Variants in PAPPA observed in about 807,000 individuals in gnomAD.
PAPPA encodes the protein pappalysin-1.
Under a neutral mutation model 164.0 loss-of-function variants are expected in PAPPA, and 60 were observed. The ratio of observed to expected loss-of-function variants is 0.37; its 90% CI spans 0.30 to 0.45. The LOEUF (loss-of-function observed/expected upper bound fraction) is 0.45. Among genes scored for constraint, PAPPA ranks in the 20% least tolerant of loss-of-function variants. The pLI is 1.00. For synonymous variants in PAPPA, 875 were observed against 814.1 expected, an observed-to-expected ratio of 1.07 and a Z score of -1.27; for missense variants, 1,782 against 2,087.3, an observed-to-expected ratio of 0.85 and a Z score of 2.85.
At chr9:116,226,853 G>A (rs568768289) in intron 5 of PAPPA, among the ~76,000 whole-genome samples, 30 of 152,342 alleles carry the variant, frequency 2.0e-4, no homozygotes, top group African/African-American at 6.7e-4. Flanking sequence ...TGGCATGGTA[G>A]AGAAACTGCT....
Position 116,197,018 on chromosome 9 carries a change from A to G in PAPPA, c.1478+8802A>G, listed in dbSNP as rs373248239. On this transcript the variant is annotated intron_variant, in intron 2 of 21. Coordinates refer to ENST00000328252, the MANE Select transcript of PAPPA (RefSeq NM_002581.5). ...GGAGGTTTCTTTCCCATGAGAATCC[A>G]TGGTAGAAAAACACAGTTTGCCAGT... Among the ~76,000 whole-genome samples the G allele has an allele frequency of 4.6e-5, 7 of 152,346 alleles. No individual in the cohort carries two copies. The East Asian group carries it at 1.3e-3, about 29-fold the overall frequency.
chr9:116,215,133 A>G lies in PAPPA; in HGVS notation c.1918+3201A>G, dbSNP rs79220747. On this transcript the variant is annotated intron_variant, in intron 4 of 21. Transcript: ENST00000328252. ...ATGACAGAGAAGATGTTTGAAGGAC[A>G]TGAACAGAAGTGGAATAACATGGTG... 4.7e-3 allele frequency among the ~76,000 whole-genome samples: 722 copies of G among 152,328 alleles called. 5 individuals carry two copies. Among genetic ancestry groups the G allele is most frequent in the African/African-American group, 0.016 (686 of 41,576 alleles).
rs565872024 is a variant in PAPPA at position 116,263,727 on chromosome 9, A to G, written c.2733-2130A>G. Among the ~76,000 whole-genome samples, 5 of 152,316 alleles carry G rather than the reference A, an allele frequency of 3.3e-5. No individual in the cohort carries two copies. In the South Asian group the frequency reaches 8.3e-4, roughly 25 times the overall value. On this transcript the variant is annotated intron_variant, in intron 7 of 21. Transcript: ENST00000328252. ...TTCCTGGCTAATAAGTGAGGCAGCC[A>G]GGACAGAAACACATGTTTTCTTGTC...
Position 116,171,093 on chromosome 9 carries a change from T to C in PAPPA, c.416-16061T>C, listed in dbSNP as rs147189963. Among the ~76,000 whole-genome samples, 5 of 152,334 alleles carry C rather than the reference T, an allele frequency of 3.3e-5. No individual in the cohort carries two copies. In the East Asian group the frequency reaches 9.6e-4, roughly 29 times the overall value. ...GTAATATTTTAGATCAATAACAGTT[T>C]CTACCCTTAGGTTAGCAGGTACTGG... is the stretch of plus-strand genomic sequence containing the variant. On this transcript the variant is annotated intron_variant, in intron 1 of 21. Coordinates refer to ENST00000328252, the MANE Select transcript of PAPPA (RefSeq NM_002581.5).
intron 2 of PAPPA, among the ~76,000 whole-genome samples, chr9:116,200,033 C>T (rs1353697514): frequency 6.6e-6 from 1 of 152,128 alleles, no homozygotes; most frequent in Admixed American, 6.5e-5. Flanking sequence ...TAGGCTCCAC[C>T]CCCAACATTG....
chr9:116,367,142 C>T (rs1034564077), intron 18 of PAPPA, among the ~76,000 whole-genome samples: 4 of 151,996 alleles, frequency 2.6e-5, no homozygotes, highest in African/African-American at 9.7e-5. Flanking sequence ...GGATAGAATT[C>T]GGTTATGGGA....
intron 10 of PAPPA, among the ~76,000 whole-genome samples, chr9:116,327,436 C>A (rs569857036): frequency 6.6e-6 from 1 of 151,956 alleles, no homozygotes; most frequent in Non-Finnish European, 1.5e-5. Flanking sequence ...AGATGATGAG[C>A]GAAGAAGAGC....
At chr9:116,215,529 G>T (rs1345631751) in intron 4 of PAPPA, among the ~76,000 whole-genome samples, 5 of 152,096 alleles carry the variant, frequency 3.3e-5, no homozygotes, top group Non-Finnish European at 7.3e-5. Flanking sequence ...CTTATAAGTG[G>T]GGGCTAAATG....
Position 116,297,260 on chromosome 9 carries a change from T to C in PAPPA, c.2954-5497T>C, listed in dbSNP as rs915479922. On this transcript the variant is annotated intron_variant, in intron 9 of 21. Coordinates refer to ENST00000328252, the MANE Select transcript of PAPPA (RefSeq NM_002581.5). ...GCCAAAATACCTTAAATTATCCCAC[T>C]ATCCTAGAGAATACACATTATCTCA... 2.8e-4 allele frequency among the ~76,000 whole-genome samples: 42 copies of C among 152,234 alleles called. 1 individual carries two copies. The highest frequency in any genetic ancestry group is 9.9e-4 in the African/African-American group (41 of 41,460).
intron 10 of PAPPA, among the ~76,000 whole-genome samples, chr9:116,304,638 T>C (rs2118895080): frequency 6.6e-6 from 1 of 152,306 alleles, no homozygotes; most frequent in Non-Finnish European, 1.5e-5. Flanking sequence ...AGTCTTAGCA[T>C]TTGAAAAGAA....
At chr9:116,213,316 C>CCCTGGGGGCCTCTCCAGTATAAGGTT (rs1844332009) in intron 4 of PAPPA, among the ~76,000 whole-genome samples, 2 of 152,110 alleles carry the variant, frequency 1.3e-5, no homozygotes, top group African/African-American at 4.8e-5. Flanking sequence ...GGCTGATGAC[C>CCCTGGGGGCCTCTCCAGTATAAGGTT]CCTGGGGGCC....
rs77457941 is a variant in PAPPA, at chr9:116,251,594, G to A, written c.2733-14263G>A. ...GACTCCCTGGCCCTGACTTGGCCTC[G>A]ATTTTCACACTCTGCAGCATGCCTG... On this transcript the variant is annotated intron_variant, in intron 7 of 21. Transcript: ENST00000328252. Among the ~76,000 whole-genome samples the A allele has an allele frequency of 2.8e-4, 42 of 152,286 alleles. 1 individual carries two copies. The East Asian group carries it at 7.5e-3, about 27-fold the overall frequency.
chr9:116,354,482 AG>A (rs1287772543), intron 17 of PAPPA, among the ~76,000 whole-genome samples: 1 of 152,214 alleles, frequency 6.6e-6, no homozygotes, highest in East Asian at 1.9e-4. Context: ...CAGGTGTGCA[AG>A]GATCATCAGC....
At position 116,361,238 on chromosome 9, in the gene PAPPA, T is replaced by A. The variant is rs1846422646; in HGVS notation, c.4348-1354T>A. Among the ~76,000 whole-genome samples the A allele has an allele frequency of 2.0e-5, 3 of 152,148 alleles. No homozygotes were observed. The South Asian group carries it at 6.2e-4, about 32-fold the overall frequency. On this transcript the variant is annotated intron_variant, in intron 17 of 21. Coordinates refer to ENST00000328252, the MANE Select transcript of PAPPA (RefSeq NM_002581.5). ...TTTGCATTGGTGGAGCACAGCCAGC[T>A]CCTCTGGCCTCATGTCAAGTTTCTC...
At position 116,329,908 on chromosome 9, in the gene PAPPA, A is replaced by G. The variant is rs1476665830; in HGVS notation, c.3148-1336A>G. Among the ~76,000 whole-genome samples the G allele has an allele frequency of 1.1e-4, 16 of 152,214 alleles. 1 individual carries two copies. Among genetic ancestry groups the G allele is most frequent in the Admixed American group, 1.0e-3 (16 of 15,280 alleles). ...CATGTGAATATTTCATATTTTATAC[A>G]TTTCTCCACCAACAGGAGAACATAT... On this transcript the variant is annotated intron_variant, in intron 10 of 21. Coordinates refer to ENST00000328252, the MANE Select transcript of PAPPA (RefSeq NM_002581.5).
At chr9:116,354,668 G>A (rs1020741422) in intron 17 of PAPPA, among the ~76,000 whole-genome samples, 2 of 152,124 alleles carry the variant, frequency 1.3e-5, no homozygotes, top group Non-Finnish European at 2.9e-5. Context: ...ATCTCCTGAA[G>A]CTGTTCTCTT....
intron 1 of PAPPA, among the ~76,000 whole-genome samples, chr9:116,163,682 G>A (rs1299826776): frequency 6.6e-6 from 1 of 152,130 alleles, no homozygotes; most frequent in East Asian, 1.9e-4. Context: ...TCCACTAGGT[G>A]GTGCCTGTGC....
At chr9:116,293,105 G>C (rs1174397970) in intron 9 of PAPPA, among the ~76,000 whole-genome samples, 5 of 152,146 alleles carry the variant, frequency 3.3e-5, no homozygotes. Context: ...GAGTATAGAA[G>C]CTAGACTGGA....
At chr9:116,199,667 C>G (rs754372892) in intron 2 of PAPPA, among the ~76,000 whole-genome samples, 1 of 152,114 alleles carries the variant, frequency 6.6e-6, no homozygotes, top group Non-Finnish European at 1.5e-5. Context: ...AAGACCCTTC[C>G]TGATTGTCTT....
Sources: gnomAD v4.1 joint callset for allele counts (sites outside exome capture counted in the v4.1 genomes callset) on GRCh38, gnomAD v4.1.1 for gene constraint, MANE v1.5 for transcripts, NCBI Gene and HGNC (gene_info 2026-07-23, HGNC 2026-07-21) for gene names.